PNPLA6: variants seen among roughly 807,000 people sequenced by gnomAD.
The protein encoded by PNPLA6 is patatin like domain 6, lysophospholipase.
PNPLA6 carries 105 observed loss-of-function variants against 153.7 expected under a neutral mutation model. The ratio of observed to expected loss-of-function variants is 0.68; its 90% confidence interval spans 0.58 to 0.80. The LOEUF is 0.80. Ranked by LOEUF, PNPLA6 falls within the 30% of genes least tolerant of loss-of-function variation. The pLI is 0.00. For synonymous variants in PNPLA6, 825 were observed against 822.2 expected, an observed-to-expected ratio of 1.00 and a Z score of -0.06; for missense variants, 1,423 against 1,919.3, an observed-to-expected ratio of 0.74 and a Z score of 4.83.
At chr19:7,551,309 C>A in intron 17 of PNPLA6, 53 bp from the exon 18 acceptor site, 1 of 1,567,262 alleles carries the variant, frequency 6.4e-7, no homozygotes, top group South Asian at 1.1e-5. Flanking sequence ...GAGGTGGGAC[C>A]TGGACAGCCG....
In PNPLA6 at chr19:7,543,249, C is replaced by A. The variant is rs12980173; in HGVS notation, c.1608+165C>A. Among the ~76,000 whole-genome samples, 24,856 of 152,022 alleles carry A rather than the reference C, an allele frequency of 0.16. 2,324 individuals are homozygous for A. The highest frequency in any genetic ancestry group is 0.22 in the Middle Eastern group (66 of 294). On this transcript the variant is annotated intron_variant, in intron 13 of 31. Coordinates refer to ENST00000600737, the MANE Select transcript of PNPLA6 (RefSeq NM_001166114.2). ...ACCTCTAACCCTTGGGTCCTGTGAC[C>A]CCCACCCCCTAACCCCACCCTATGT...
At chr19:7,560,280 A>T (rs763611619) in intron 28 of PNPLA6, among the ~76,000 whole-genome samples, 67 of 152,176 alleles carry the variant, frequency 4.4e-4, no homozygotes, top group African/African-American at 1.6e-3. Context: ...GCTCACTGGG[A>T]TAGCATGCCA....
chr19:7,536,322 C>T (rs371399667), intron 2 of PNPLA6, 49 bp downstream of exon 2: 3 of 1,493,744 alleles, frequency 2.0e-6, no homozygotes, highest in South Asian at 1.1e-5. Context: ...GAGGCCGCGC[C>T]CCTTCCCTAT....
Position 7,541,650 on chromosome 19 carries a change from C to A in PNPLA6, c.1134C>A (p.Pro378=). The A allele has an allele frequency of 6.3e-7, 1 of 1,581,316 alleles. No homozygotes were observed. The highest frequency in any genetic ancestry group is 8.6e-7 in the Non-Finnish European group (1 of 1,164,874). ...DEPRETPGRP[P]DPTGAPLPGP... ...CCAGGGAGACCCCAGGGCGGCCACC[C>A]GATCCCACCGGGGCCCCGCTGCCTG... Residue 378 remains proline (P), a synonymous_variant, in exon 9 of 32, where the codon CCC becomes CCA. Transcript: ENST00000600737. The surrounding 1 kb of genome is among the most constrained non-coding windows in gnomAD (Gnocchi z 5.2).
At chr19:7,552,244 G>C (rs1421880324) in intron 18 of PNPLA6, among the ~76,000 whole-genome samples, 1 of 152,186 alleles carries the variant, frequency 6.6e-6, no homozygotes, top group Non-Finnish European at 1.5e-5. Context: ...CCCTGTTTCA[G>C]CCTGTGGCTT....
At chr19:7,548,375 A>ATT (rs1310248025) in intron 13 of PNPLA6, among the ~76,000 whole-genome samples, 2 of 146,810 alleles carry the variant, frequency 1.4e-5, no homozygotes, top group East Asian at 4.0e-4. Flanking sequence ...CCCACTAAAG[A>ATT]TAGCTGATGA....
rs1314885033 is a variant in PNPLA6 at position 7,540,811 on chromosome 19, G to T, written c.795+101G>T. On this transcript the variant is annotated intron_variant, in intron 6 of 31. Coordinates refer to ENST00000600737, the MANE Select transcript of PNPLA6 (RefSeq NM_001166114.2). This position sits in a 1 kb window ranked among gnomAD's most constrained non-coding sequence, Gnocchi z 6.8. ...AGGGTCCCCAATCTCTGGTTCATCC[G>T]TTATGCTGCCGATGGCCCCTCACGG... 1.3e-6 allele frequency: 2 copies of T among 1,564,582 alleles called. No individual in the cohort carries two copies. The highest frequency in any genetic ancestry group is 2.7e-5 in the African/African-American group (2 of 74,016).
chr19:7,551,536 G>C (rs2023651266), intron 18 of PNPLA6, 99 bp downstream of exon 18: 3 of 1,057,906 alleles, frequency 2.8e-6, no homozygotes, highest in Admixed American at 1.8e-5. Flanking sequence ...CTGGGAAATG[G>C]AGTTCCGCGA....
chr19:7,539,581 A>C (rs1276011171), intron 3 of PNPLA6, among the ~76,000 whole-genome samples: 2 of 149,576 alleles, frequency 1.3e-5, no homozygotes, highest in African/African-American at 5.0e-5. Context: ...AACATGGAGA[A>C]ACCCCATCTC....
intron 3 of PNPLA6, among the ~76,000 whole-genome samples, chr19:7,538,054 C>T (rs1036030349): frequency 2.0e-5 from 3 of 152,154 alleles, no homozygotes; most frequent in Admixed American, 6.6e-5. Flanking sequence ...GTAGTGTTTG[C>T]ACACTCTTAA....
intron 26 of PNPLA6, 150 bp from the exon 27 acceptor site, chr19:7,557,018 C>T (rs2023909692): frequency 1.3e-6 from 1 of 788,046 alleles, no homozygotes; most frequent in Non-Finnish European, 2.3e-6. Context: ...CCTACCTGCC[C>T]CCACTGTGCG....
upstream of PNPLA6, chr19:7,534,329 C>T (rs540516): frequency 0.24 from 52,692 of 216,762 alleles, 6,898 homozygotes; most frequent in East Asian, 0.29. Flanking sequence ...CCTCCGATTC[C>T]TGTTAACTCT....
rs1418840264 is a variant in PNPLA6 at position 7,561,246 on chromosome 19, G to A, written c.3952G>A (p.Ala1318Thr). The change falls in exon 31 of 32, where the codon GCC becomes ACC. Residue 1318 changes from alanine (A) to threonine (T), a missense_variant. Ala to Thr is a moderately conservative substitution (Grantham distance 58, BLOSUM62 0). This residue lies in a region of PNPLA6 where 643 missense variants were observed against 835.2 expected (regional missense o/e 0.77). Transcript: ENST00000600737. ...TTGTCTGACAGAGTATGAGGAGGAC[G>A]CCGGACCCGACTGCTCGAGGGATGA... Reference protein sequence around the residue: ...SDCLTEYEEDAGPDCSRDEGG... With the variant: ...SDCLTEYEEDTGPDCSRDEGG... The A allele has an allele frequency of 1.9e-6, 3 of 1,610,560 alleles. No individual in the cohort carries two copies. Among genetic ancestry groups the A allele is most frequent in the East Asian group, 2.2e-5 (1 of 44,718 alleles).
At position 7,542,668 on chromosome 19, in the gene PNPLA6, C is replaced by G. The variant is rs1016628214; in HGVS notation, c.1360C>G (p.Arg454Gly). The change falls in exon 11 of 32, where the codon CGG becomes GGG. Residue 454 changes from arginine (R) to glycine (G), a missense_variant and splice_region_variant. This residue lies in a region of PNPLA6 where 267 missense variants were observed against 255.1 expected (regional missense o/e 1.05). Coordinates refer to ENST00000600737, the MANE Select transcript of PNPLA6 (RefSeq NM_001166114.2). The stretch of plus-strand genomic sequence containing the variant: ...CGGGGGGTCCCTGGCAGCCCCCGCT[C>G]GGGTAAGGCTTGGGACCCTGCCCGG... ...ASGGSLAAPARTPTQEPREQP... is the reference protein window; with the variant it reads ...ASGGSLAAPAGTPTQEPREQP... 1.9e-6 allele frequency: 3 copies of G among 1,612,656 alleles called. No individual in the cohort carries two copies. The highest frequency in any genetic ancestry group is 2.5e-6 in the Non-Finnish European group (3 of 1,179,704).
At chr19:7,551,254 T>C (rs1207167533) in intron 17 of PNPLA6, 108 bp from the exon 18 acceptor site, 12 of 1,031,460 alleles carry the variant, frequency 1.2e-5, no homozygotes, top group Non-Finnish European at 1.6e-5. Flanking sequence ...CTCTCGGGGG[T>C]GGGACCCAGG....
chr19:7,535,801 A>G lies in PNPLA6; in HGVS notation c.13A>G (p.Ser5Gly). 6.5e-7 allele frequency: 1 copy of G among 1,536,242 alleles called. No individual in the cohort carries two copies. The highest frequency in any genetic ancestry group is 8.7e-7 in the Non-Finnish European group (1 of 1,146,326). Residue 5 changes from serine (S) to glycine (G), a missense_variant, in exon 1 of 32, where the codon AGT (serine) becomes GGT (glycine). By Grantham distance (56) the Ser-to-Gly change is moderately conservative (BLOSUM62 0). Around this residue, in one of 10 missense-constraint regions of PNPLA6, gnomAD observed 109 missense variants for 109.4 expected, o/e 1.00. Transcript: ENST00000600737. The surrounding 1 kb of genome is among the most constrained non-coding windows in gnomAD (Gnocchi z 5.0). MGTS[S>G]HGLATNSSGA... is the part of the protein sequence containing the mutation. ...GCCCATTCTGCAGATGGGGACATCG[A>G]GTCACGGGCTGGCTACGAACTCCTC...
In PNPLA6 at chr19:7,540,831, T is replaced by C. The variant is rs1283501224; in HGVS notation, c.796-92T>C. On this transcript the variant is annotated intron_variant, in intron 6 of 31. Coordinates refer to ENST00000600737, the MANE Select transcript of PNPLA6 (RefSeq NM_001166114.2). The surrounding 1 kb of genome is among the most constrained non-coding windows in gnomAD (Gnocchi z 6.8). ...CATCCGTTATGCTGCCGATGGCCCCTCACGGGACTGGCGCCAGGAAGGATT... is the reference window on the plus strand; with the variant it reads ...CATCCGTTATGCTGCCGATGGCCCCCCACGGGACTGGCGCCAGGAAGGATT... 6.3e-7 allele frequency: 1 copy of C among 1,587,892 alleles called. No individual in the cohort carries two copies. The highest frequency in any genetic ancestry group is 8.6e-7 in the Non-Finnish European group (1 of 1,157,052).
chr19:7,558,601 C>T (rs2023982491), intron 27 of PNPLA6, among the ~76,000 whole-genome samples: 1 of 152,206 alleles, frequency 6.6e-6, no homozygotes, highest in African/African-American at 2.4e-5. Flanking sequence ...CATTGCACTC[C>T]AGCCTGGGCG....
Position 7,555,930 on chromosome 19 carries a change from G to C in PNPLA6, c.3093+167G>C. The stretch of plus-strand genomic sequence containing the variant: ...TTTATAGATAAGCTTCTAGGACTCT[G>C]GGTAACCACTTTGGGACCTCCTGTC... On this transcript the variant is annotated intron_variant, in intron 24 of 31. Transcript: ENST00000600737. This position sits in a 1 kb window ranked among gnomAD's most constrained non-coding sequence, Gnocchi z 6.3. Among the ~76,000 whole-genome samples the C allele has an allele frequency of 6.6e-6, 1 of 152,010 alleles. No homozygotes were observed. Among genetic ancestry groups the C allele is most frequent in the East Asian group, 1.9e-4 (1 of 5,186 alleles).
Sources: allele counts gnomAD v4.1 joint callset (sites outside exome capture counted in the v4.1 genomes callset), GRCh38; gene constraint gnomAD v4.1.1; regional missense constraint gnomAD v4.1.1; non-coding constraint Gnocchi (gnomAD v3.1); transcripts MANE v1.5; gene names NCBI Gene and HGNC (gene_info 2026-07-23, HGNC 2026-07-21).